The following SETD2 variants were observed in gnomAD, a reference collection of about 807,000 sequenced individuals.
SETD2 encodes the protein histone-lysine N-methyltransferase SETD2.
Under a neutral mutation model 242.1 loss-of-function variants are expected in SETD2, and 31 were observed. The observed-to-expected ratio is 0.13, with a 90% CI of 0.10 to 0.17. SETD2 has a LOEUF of 0.17. Ranked by LOEUF, SETD2 falls within the 10% of genes least tolerant of loss-of-function variation. The pLI is 1.00. For synonymous variants in SETD2, 1,006 were observed against 1,066.5 expected, an observed-to-expected ratio of 0.94 and a Z score of 1.11; for missense variants, 2,481 against 3,046.3, an observed-to-expected ratio of 0.81 and a Z score of 4.37.
intron 9 of SETD2, among the ~76,000 whole-genome samples, chr3:47,091,572 G>C (rs2041807077): frequency 6.6e-6 from 1 of 152,152 alleles, no homozygotes. Flanking sequence ...AGACCAGCCT[G>C]GCCAACACGG....
chr3:47,101,533 C>T lies in SETD2; in HGVS notation c.4940G>A (p.Arg1647Lys). Residue 1647 changes from arginine (R) to lysine (K), a missense_variant, in exon 8 of 21, where the codon AGG (arginine) becomes AAG (lysine). This residue lies in a region of SETD2 where 61 missense variants were observed against 221.4 expected (regional missense o/e 0.28). Transcript: ENST00000409792. The part of the protein sequence containing the change: ...TQKWTVNGQL[R>K]VGFFTTKLVP... ...CAGTTTGGTGGTAAAAAACCCAACC[C>T]TCAGTTGTCCGTTCACAGTCCACTG... 2 of 1,612,948 alleles carry T rather than the reference C, an allele frequency of 1.2e-6. No homozygotes were observed. Among genetic ancestry groups the T allele is most frequent in the Non-Finnish European group, 1.7e-6 (2 of 1,179,134 alleles).
chr3:47,120,260 C>T lies in SETD2; in HGVS notation c.4376G>A (p.Arg1459Gln), dbSNP rs777992018. The T allele has an allele frequency of 1.7e-5, 28 of 1,605,614 alleles. No individual in the cohort carries two copies. Among genetic ancestry groups the T allele is most frequent in the African/African-American group, 6.7e-5 (5 of 74,356 alleles). Residue 1459 changes from arginine (R) to glutamine (Q), a missense_variant, in exon 3 of 21, where the codon CGA becomes CAA. Physicochemically the swap from Arg to Gln is conservative, Grantham distance 43 (BLOSUM62 1). Coordinates refer to ENST00000409792, the MANE Select transcript of SETD2 (RefSeq NM_014159.7). ...CCCTTGCTTGGCACATTCCTTCCAT[C>T]GCTGTGGGTCCCTGAAGTCATCCAT... is the stretch of plus-strand genomic sequence containing the variant. Reference protein sequence around the residue: ...CVMDDFRDPQRWKECAKQGKM... With the variant: ...CVMDDFRDPQQWKECAKQGKM...
intron 5 of SETD2, among the ~76,000 whole-genome samples, chr3:47,108,693 A>C (rs2042536867): frequency 6.6e-6 from 1 of 152,236 alleles, no homozygotes; most frequent in Non-Finnish European, 1.5e-5. Flanking sequence ...ACATGGATCT[A>C]ACAGTTTGAG....
rs1427769897 is a variant in SETD2 at position 47,123,050 on chromosome 3, C to T, written c.1586G>A (p.Arg529Lys). Residue 529 changes from arginine (R) to lysine (K), a missense_variant, in exon 3 of 21, where the codon AGA (arginine) becomes AAA (lysine). Physicochemically the swap from Arg to Lys is conservative, Grantham distance 26. This residue lies in a region of SETD2 where 1,300 missense variants were observed against 1,259.2 expected (regional missense o/e 1.03). Transcript: ENST00000409792. Reference sequence around the variant, plus strand: ...CAGTTCATTAGGGGGAGAACAACATCTTTTAATTGCTTCATTTTCTGAAGT... The same window carrying T: ...CAGTTCATTAGGGGGAGAACAACATTTTTTAATTGCTTCATTTTCTGAAGT... Reference protein sequence around the residue: ...KRTSENEAIKRCCSPPNELGF... With the variant: ...KRTSENEAIKKCCSPPNELGF... 1 of 1,614,022 alleles carries T rather than the reference C, an allele frequency of 6.2e-7. No homozygotes were observed. Among genetic ancestry groups the T allele is most frequent in the East Asian group, 2.2e-5 (1 of 44,886 alleles).
At chr3:47,066,993 GTTC>G in intron 13 of SETD2, 74 bp downstream of exon 13, 2 of 1,069,900 alleles carry the variant, frequency 1.9e-6, no homozygotes, top group Non-Finnish European at 2.8e-6. Flanking sequence ...AAACGCTTAA[GTTC>G]TTATCAGTTA....
At chr3:47,039,191 AC>A (rs2039160028) in intron 17 of SETD2, among the ~76,000 whole-genome samples, 1 of 152,100 alleles carries the variant, frequency 6.6e-6, no homozygotes, top group African/African-American at 2.4e-5. Flanking sequence ...GGAAAGGTAC[AC>A]ATATAAATAA....
intron 3 of SETD2, among the ~76,000 whole-genome samples, chr3:47,117,338 A>C (rs1242283405): frequency 1.3e-5 from 2 of 151,630 alleles, no homozygotes; most frequent in African/African-American, 4.8e-5. Flanking sequence ...GGGGAAGATG[A>C]GATGAGTTCA....
Position 47,046,575 on chromosome 3 carries a change from A to T in SETD2, c.7010T>A (p.Phe2337Tyr), listed in dbSNP as rs747707927. The T allele has an allele frequency of 6.2e-7, 1 of 1,613,644 alleles. No homozygotes were observed. Among genetic ancestry groups the T allele is most frequent in the Admixed American group, 1.7e-5 (1 of 59,982 alleles). The change falls in exon 16 of 21, where the codon TTC becomes TAC. Residue 2337 changes from phenylalanine to tyrosine, a missense_variant. Transcript: ENST00000409792. ...CACCACTCCTTGTGGATGAGCTGTG[A>T]AAATCTGTTGCCCCTGGATATACTG... ...SLQYIQGQQI[F>Y]TAHPQGVVVQ...
In SETD2 at chr3:47,123,864, T is replaced by C. The variant is rs1308113254; in HGVS notation, c.772A>G (p.Thr258Ala). 5 of 1,551,312 alleles carry C rather than the reference T, an allele frequency of 3.2e-6. No individual in the cohort carries two copies. In the African/African-American group the frequency reaches 6.8e-5, roughly 21 times the overall value. The change falls in exon 3 of 21, where the codon ACT (threonine) becomes GCT (alanine). Residue 258 changes from threonine (T) to alanine (A), a missense_variant. Thr to Ala is a moderately conservative substitution (Grantham distance 58). Transcript: ENST00000409792. The stretch of plus-strand genomic sequence containing the variant: ...TGTTCTTCTAAACTATTAGATATAG[T>C]GTCCTGCTTAGTATCTGCTTCTAAA... ...ESLEADTKQD[T>A]ISNSLEEHVT...
chr3:47,063,533 T>C (rs1321641643), intron 13 of SETD2, among the ~76,000 whole-genome samples: 1 of 152,152 alleles, frequency 6.6e-6, no homozygotes, highest in African/African-American at 2.4e-5. Flanking sequence ...TATTCAAAGA[T>C]GGTATTAATA....
chr3:47,141,305 G>C (rs1431673936), intron 1 of SETD2, among the ~76,000 whole-genome samples: 2 of 152,118 alleles, frequency 1.3e-5, no homozygotes, highest in Non-Finnish European at 2.9e-5. Flanking sequence ...ACTGCACCCA[G>C]TTGGTTAATG....
At chr3:47,042,941 G>C (rs2039349933) in intron 16 of SETD2, among the ~76,000 whole-genome samples, 1 of 150,916 alleles carries the variant, frequency 6.6e-6, no homozygotes, top group Non-Finnish European at 1.5e-5. Flanking sequence ...TTATCATATA[G>C]AGCAGCATTT....
At position 47,158,283 on chromosome 3, in the gene SETD2, A is replaced by T. The variant is rs960616338; in HGVS notation, c.71+5571T>A. On this transcript the variant is annotated intron_variant, in intron 1 of 20. Coordinates refer to ENST00000409792, the MANE Select transcript of SETD2 (RefSeq NM_014159.7). ...TTTGATATAATGATAAACATATTTCAAGATTCTATAAAAACCACAATACAG... is the reference window on the plus strand; with the variant it reads ...TTTGATATAATGATAAACATATTTCTAGATTCTATAAAAACCACAATACAG... Among the ~76,000 whole-genome samples the T allele has an allele frequency of 1.5e-4, 23 of 152,342 alleles. 1 individual carries two copies. Among genetic ancestry groups the T allele is most frequent in the Non-Finnish European group, 2.9e-4 (20 of 68,038 alleles).
intron 18 of SETD2, among the ~76,000 whole-genome samples, chr3:47,035,233 T>C (rs2038946438): frequency 1.3e-5 from 2 of 152,218 alleles, no homozygotes; most frequent in Non-Finnish European, 2.9e-5. Context: ...ACTCTGCATT[T>C]TTAACAGGTG....
At position 47,042,584 on chromosome 3, in the gene SETD2, A is replaced by T. The variant is rs2107539353; in HGVS notation, c.7215T>A (p.Ile2405=). ...WKTARDPEGK[I]YYYHVITRQT... ...ACCTTGTGATCACATGGTAGTAATAAATCTTCCCTTCTGGATCTCGAGCTG... is the reference window on the plus strand; with the variant it reads ...ACCTTGTGATCACATGGTAGTAATATATCTTCCCTTCTGGATCTCGAGCTG... Residue 2405 remains isoleucine (I), a synonymous_variant, in exon 17 of 21, where the codon ATT becomes ATA. Coordinates refer to ENST00000409792, the MANE Select transcript of SETD2 (RefSeq NM_014159.7). 6.2e-7 allele frequency: 1 copy of T among 1,614,036 alleles called. No homozygotes were observed. Among genetic ancestry groups the T allele is most frequent in the East Asian group, 2.2e-5 (1 of 44,858 alleles).
rs540015912 is a variant in SETD2, at chr3:47,123,650, C to T, written c.986G>A (p.Arg329Gln). The change falls in exon 3 of 21, where the codon CGG becomes CAG. Residue 329 changes from arginine (R) to glutamine (Q), a missense_variant. Coordinates refer to ENST00000409792, the MANE Select transcript of SETD2 (RefSeq NM_014159.7). ...LGSESDEDSV[R>Q]TSSSQRSHDL... The stretch of plus-strand genomic sequence containing the variant: ...ATGTGATCTTTGACTTGAAGAAGTC[C>T]GTACAGAATCTTCATCAGATTCTGA... 58 of 1,550,066 alleles carry T rather than the reference C, an allele frequency of 3.7e-5. No homozygotes were observed. The highest frequency in any genetic ancestry group is 5.9e-5 in the Admixed American group (3 of 50,524).
Position 47,042,653 on chromosome 3 carries a change from A to G in SETD2, c.7146T>C (p.Ser2382=), listed in dbSNP as rs2039334029. The G allele has an allele frequency of 1.9e-6, 3 of 1,612,852 alleles. No homozygotes were observed. Among genetic ancestry groups the G allele is most frequent in the Non-Finnish European group, 2.5e-6 (3 of 1,179,628 alleles). Residue 2382 remains serine, a synonymous_variant, in exon 17 of 21, where the codon TCT becomes TCC. Coordinates refer to ENST00000409792, the MANE Select transcript of SETD2 (RefSeq NM_014159.7). ...TNNLLDLPPP[S]PPKPKTIVLP... ...AGACAATGGTTTTTGGTTTGGGAGGAGAGGGGGGCGGCAGATCCAAGAGAT... is the reference window on the plus strand; with the variant it reads ...AGACAATGGTTTTTGGTTTGGGAGGGGAGGGGGGCGGCAGATCCAAGAGAT...
intron 12 of SETD2, among the ~76,000 whole-genome samples, chr3:47,076,986 T>C (rs2041107689): frequency 2.6e-5 from 4 of 152,150 alleles, no homozygotes; most frequent in South Asian, 4.1e-4. Flanking sequence ...AAGGGTTACA[T>C]GAAAGGGGAA....
chr3:47,048,568 T>C (rs564567208), intron 15 of SETD2, among the ~76,000 whole-genome samples: 1 of 152,360 alleles, frequency 6.6e-6, no homozygotes, highest in Admixed American at 6.5e-5. Flanking sequence ...TTAACATTTT[T>C]TTAATAAATT....
Sources: gnomAD v4.1 joint callset for allele counts (sites outside exome capture counted in the v4.1 genomes callset) on GRCh38, gnomAD v4.1.1 for gene constraint, gnomAD v4.1.1 regional missense constraint, MANE v1.5 for transcripts, NCBI Gene and HGNC (gene_info 2026-07-23, HGNC 2026-07-21) for gene names.